Variants in INPP4B observed in about 807,000 individuals in gnomAD.
INPP4B encodes the protein inositol polyphosphate 4-phosphatase type II.
In INPP4B, 55 loss-of-function variants were observed where a neutral mutation model predicts 122.5. The observed-to-expected ratio is 0.45, with a 90% CI of 0.36 to 0.56. The LOEUF (loss-of-function observed/expected upper bound fraction) is 0.56, where lower values mean the gene tolerates loss of function less well. INPP4B is among the 20% of genes least tolerant of loss of function. The probability of loss-of-function intolerance (pLI) is 0.00; values close to 1 mark genes in which losing one functional copy is unlikely to be tolerated. For missense variants in INPP4B, 1,000 were observed against 1,097.7 expected (o/e 0.91, Z 1.26); for synonymous variants, 403 against 388.7 (o/e 1.04, Z -0.43).
intron 18 of INPP4B, among the ~76,000 whole-genome samples, chr4:142,127,382 T>G (rs2152770639): frequency 6.6e-6 from 1 of 152,276 alleles, no homozygotes; most frequent in Non-Finnish European, 1.5e-5. Flanking sequence ...GATTGTCTCA[T>G]TAGCATAAGG....
chr4:142,641,425 C>A (rs1463853569), intron 2 of INPP4B, among the ~76,000 whole-genome samples: 2 of 145,398 alleles, frequency 1.4e-5, no homozygotes, highest in African/African-American at 5.0e-5. Context: ...CCCCCTCCCC[C>A]CACCCCACAA....
At chr4:142,120,468 T>C (rs1349558638) in intron 21 of INPP4B, among the ~76,000 whole-genome samples, 2 of 152,148 alleles carry the variant, frequency 1.3e-5, no homozygotes, top group Non-Finnish European at 2.9e-5. Context: ...ACACAGGCTG[T>C]CTCTCCATTT....
chr4:142,306,243 T>C (rs1213016680), intron 8 of INPP4B, among the ~76,000 whole-genome samples: 2 of 151,388 alleles, frequency 1.3e-5, no homozygotes, highest in African/African-American at 4.9e-5. Flanking sequence ...TTTTTTTTTT[T>C]TTTCTTTCCC....
chr4:142,338,575 C>T (rs1252622317), intron 7 of INPP4B, among the ~76,000 whole-genome samples: 2 of 152,172 alleles, frequency 1.3e-5, no homozygotes, highest in African/African-American at 4.8e-5. Context: ...GAAATCTGCT[C>T]ATCTACCTTG....
intron 2 of INPP4B, among the ~76,000 whole-genome samples, chr4:142,561,643 A>T (rs978255651): frequency 6.6e-6 from 1 of 151,816 alleles, no homozygotes; most frequent in Non-Finnish European, 1.5e-5. Context: ...CTGGTCTCGA[A>T]CTCCTGAACT....
In INPP4B at chr4:142,478,702, A is replaced by C. The variant is rs553192268; in HGVS notation, c.-190-15976T>G. The stretch of plus-strand genomic sequence containing the variant: ...GATTCAATTTCTAGTATTTTGTTAA[A>C]GATTTTTGCATCTATGTTCATCAAG... On this transcript the variant is annotated intron_variant, in intron 2 of 25. Coordinates refer to ENST00000262992, the MANE Select transcript of INPP4B (RefSeq NM_001101669.3). 3.3e-5 allele frequency among the ~76,000 whole-genome samples: 5 copies of C among 152,192 alleles called. No individual in the cohort carries two copies. The East Asian group carries it at 9.7e-4, about 29-fold the overall frequency.
chr4:142,259,782 T>A (rs535036526), intron 11 of INPP4B, among the ~76,000 whole-genome samples: 3 of 152,198 alleles, frequency 2.0e-5, no homozygotes, highest in African/African-American at 4.8e-5. Flanking sequence ...CTTTTTAAAT[T>A]TTCTTTTTTT....
At chr4:142,113,006 T>G (rs1791019484) in intron 21 of INPP4B, among the ~76,000 whole-genome samples, 1 of 152,094 alleles carries the variant, frequency 6.6e-6, no homozygotes, top group South Asian at 2.1e-4. Context: ...TAAAACTCAA[T>G]CAGTCCTAAG....
chr4:142,229,073 T>C (rs1312970571), intron 12 of INPP4B, among the ~76,000 whole-genome samples: 1 of 151,714 alleles, frequency 6.6e-6, no homozygotes, highest in Non-Finnish European at 1.5e-5. Flanking sequence ...TCACTTATTG[T>C]ATTTAAACCT....
At position 142,279,765 on chromosome 4, in the gene INPP4B, G is replaced by T. The variant is rs770064147; in HGVS notation, c.504-8991C>A. On this transcript the variant is annotated intron_variant, in intron 9 of 25. Transcript: ENST00000262992. ...CAATAAAATAAAGCTTGTCAAAACTGCAAATTTGCTCTGTCAAAGACATGG... is the reference window on the plus strand; with the variant it reads ...CAATAAAATAAAGCTTGTCAAAACTTCAAATTTGCTCTGTCAAAGACATGG... Among the ~76,000 whole-genome samples the T allele has an allele frequency of 6.6e-5, 10 of 151,778 alleles. No individual in the cohort carries two copies. The East Asian group carries it at 1.5e-3, about 23-fold the overall frequency.
chr4:142,547,727 G>A (rs1289833286), intron 2 of INPP4B, among the ~76,000 whole-genome samples: 2 of 152,098 alleles, frequency 1.3e-5, no homozygotes, highest in Non-Finnish European at 2.9e-5. Flanking sequence ...AAAGGAAAAT[G>A]TCATCTCTAA....
intron 18 of INPP4B, among the ~76,000 whole-genome samples, chr4:142,142,240 A>G (rs535904086): frequency 1.3e-5 from 2 of 152,264 alleles, no homozygotes; most frequent in South Asian, 4.1e-4. Flanking sequence ...ATCAAAAATA[A>G]TATTTTGGAA....
At chr4:142,260,288 A>G (rs900778802) in intron 11 of INPP4B, among the ~76,000 whole-genome samples, 5 of 152,066 alleles carry the variant, frequency 3.3e-5, no homozygotes, top group Admixed American at 6.6e-5. Context: ...CTGGCTGACC[A>G]TATTTGTTTT....
In INPP4B at chr4:142,314,744, G is replaced by A; in HGVS notation, c.391C>T (p.Pro131Ser). The stretch of plus-strand genomic sequence containing the variant: ...TCTGGCGGGGGATCCTTATGTTCTG[G>A]TAGGACACTGGTTCGAACCTGTGGA... ...SHDTVRTSVL[P>S]EHKDPPPEVG... The change falls in exon 8 of 26, where the codon CCA (proline) becomes TCA (serine). Residue 131 changes from proline (P) to serine (S), a missense_variant. Physicochemically the swap from Pro to Ser is moderately conservative, Grantham distance 74. Transcript: ENST00000262992. The A allele has an allele frequency of 6.3e-7, 1 of 1,598,158 alleles. No individual in the cohort carries two copies. Among genetic ancestry groups the A allele is most frequent in the South Asian group, 1.2e-5 (1 of 86,790 alleles).
chr4:142,055,785 T>A (rs1345101343), intron 25 of INPP4B, among the ~76,000 whole-genome samples: 1 of 151,926 alleles, frequency 6.6e-6, no homozygotes, highest in African/African-American at 2.4e-5. Flanking sequence ...CAGGAACTGG[T>A]TTCATGGAAG....
chr4:142,261,691 T>A (rs1425925512), intron 10 of INPP4B, among the ~76,000 whole-genome samples: 2 of 152,134 alleles, frequency 1.3e-5, no homozygotes, highest in Non-Finnish European at 1.5e-5. Context: ...TGGCCCTCTT[T>A]AAGAATCATG....
intron 3 of INPP4B, among the ~76,000 whole-genome samples, chr4:142,442,642 T>G (rs1445290395): frequency 6.6e-6 from 1 of 152,102 alleles, no homozygotes; most frequent in Non-Finnish European, 1.5e-5. Flanking sequence ...AAATGATGCA[T>G]GAAATCATAA....
rs570973199 is a variant in INPP4B at position 142,536,853 on chromosome 4, G to A, written c.-190-74127C>T. ...TGTCACCAGGCTGGAGTGCAGTGGTGTGATCTTGGCTCGGCTCACTGCAAC... is the reference window on the plus strand; with the variant it reads ...TGTCACCAGGCTGGAGTGCAGTGGTATGATCTTGGCTCGGCTCACTGCAAC... On this transcript the variant is annotated intron_variant, in intron 2 of 25. Transcript: ENST00000262992. Among the ~76,000 whole-genome samples the A allele has an allele frequency of 4.6e-5, 7 of 152,276 alleles. No individual in the cohort carries two copies. In the East Asian group the frequency reaches 1.4e-3, roughly 29 times the overall value.
chr4:142,182,988 T>C (rs560196069), intron 15 of INPP4B, among the ~76,000 whole-genome samples: 41 of 152,310 alleles, frequency 2.7e-4, no homozygotes, highest in African/African-American at 8.7e-4. Context: ...CCATAGCCTA[T>C]AGGGTGAACT....
Sources: allele counts gnomAD v4.1 joint callset (sites outside exome capture counted in the v4.1 genomes callset), GRCh38; gene constraint gnomAD v4.1.1; transcripts MANE v1.5; gene names NCBI Gene and HGNC (gene_info 2026-07-23, HGNC 2026-07-21).